Variants in CNTNAP5 observed in about 807,000 individuals in gnomAD.
CNTNAP5 encodes contactin associated protein family member 5.
In CNTNAP5, 72 loss-of-function variants were observed where a neutral mutation model predicts 150.2. The ratio of observed to expected loss-of-function variants is 0.48; its 90% confidence interval spans 0.40 to 0.58. The LOEUF is 0.58. Among genes scored for constraint, CNTNAP5 ranks in the 20% least tolerant of loss-of-function variants. The pLI is 0.00. For missense variants in CNTNAP5, 1,636 were observed against 1,626.2 expected (o/e 1.01, Z -0.10); for synonymous variants, 672 against 619.8 (o/e 1.08, Z -1.25).
intron 14 of CNTNAP5, among the ~76,000 whole-genome samples, chr2:124,747,788 CTTTT>C (rs34959025): frequency 2.4e-5 from 1 of 42,470 alleles, no homozygotes; most frequent in African/African-American, 9.2e-5. Flanking sequence ...CCTAACTCTT[CTTTT>C]TTTTTTTTTT....
chr2:124,802,530 G>A (rs1681991096), intron 19 of CNTNAP5, among the ~76,000 whole-genome samples: 2 of 152,184 alleles, frequency 1.3e-5, no homozygotes, highest in Admixed American at 1.3e-4. Flanking sequence ...AGAGAAGGCA[G>A]TTTTAGTTCT....
chr2:124,101,363 T>C (rs1487426785), intron 1 of CNTNAP5, among the ~76,000 whole-genome samples: 1 of 152,168 alleles, frequency 6.6e-6, no homozygotes, highest in African/African-American at 2.4e-5. Context: ...TGATTTCAGA[T>C]CCCACGCTCA....
intron 5 of CNTNAP5, among the ~76,000 whole-genome samples, chr2:124,435,817 A>G (rs7598167): frequency 0.46 from 70,301 of 151,972 alleles, 16,357 homozygotes; most frequent in Middle Eastern, 0.56. Context: ...TTGGAGCCCC[A>G]TGGTGACTAT....
At chr2:124,331,131 T>C (rs965305357) in intron 3 of CNTNAP5, among the ~76,000 whole-genome samples, 1 of 152,098 alleles carries the variant, frequency 6.6e-6, no homozygotes, top group African/African-American at 2.4e-5. Flanking sequence ...CCATATGTCC[T>C]TAATGACAAC....
At chr2:124,442,480 A>G (rs1352792983) in intron 5 of CNTNAP5, among the ~76,000 whole-genome samples, 2 of 152,224 alleles carry the variant, frequency 1.3e-5, no homozygotes, top group Non-Finnish European at 2.9e-5. Context: ...GGATTTTAAA[A>G]TAGTGGAATT....
intron 1 of CNTNAP5, among the ~76,000 whole-genome samples, chr2:124,126,524 A>G (rs765082460): frequency 1.1e-4 from 16 of 152,206 alleles, no homozygotes; most frequent in Non-Finnish European, 2.2e-4. Flanking sequence ...ATTCCACTCA[A>G]TAGAAAAAGA....
chr2:124,037,064 G>C (rs967665030), intron 1 of CNTNAP5, among the ~76,000 whole-genome samples: 1 of 152,126 alleles, frequency 6.6e-6, no homozygotes, highest in African/African-American at 2.4e-5. Flanking sequence ...CAATCTTCAG[G>C]CCATCTTATT....
At chr2:124,777,510 G>A (rs1681351422) in intron 17 of CNTNAP5, among the ~76,000 whole-genome samples, 1 of 152,054 alleles carries the variant, frequency 6.6e-6, no homozygotes, top group Admixed American at 6.6e-5. Context: ...AGCCTCCTGA[G>A]TAGCTGGGGT....
At chr2:124,584,161 C>G (rs976033810) in intron 11 of CNTNAP5, among the ~76,000 whole-genome samples, 4 of 152,210 alleles carry the variant, frequency 2.6e-5, no homozygotes, top group Admixed American at 2.0e-4. Flanking sequence ...CACACCAGCC[C>G]TTACTGACAC....
At chr2:124,328,085 A>G (rs1689264685) in intron 3 of CNTNAP5, among the ~76,000 whole-genome samples, 1 of 152,232 alleles carries the variant, frequency 6.6e-6, no homozygotes, top group African/African-American at 2.4e-5. Flanking sequence ...AAGCAGAGCT[A>G]CAGAAAGAAG....
intron 1 of CNTNAP5, among the ~76,000 whole-genome samples, chr2:124,090,054 T>C (rs576384400): frequency 4.6e-4 from 70 of 152,292 alleles, no homozygotes; most frequent in Admixed American, 8.5e-4. Flanking sequence ...TTGACCATTA[T>C]ATCATAGGAC....
intron 1 of CNTNAP5, among the ~76,000 whole-genome samples, chr2:124,071,080 C>A (rs992680815): frequency 6.6e-6 from 1 of 151,876 alleles, no homozygotes; most frequent in Non-Finnish European, 1.5e-5. Flanking sequence ...AAACAATATA[C>A]TCCTGAATTA....
chr2:124,751,459 G>A (rs1007282148), intron 14 of CNTNAP5, among the ~76,000 whole-genome samples: 42 of 152,302 alleles, frequency 2.8e-4, no homozygotes, highest in African/African-American at 9.4e-4. Context: ...ATTCACACAT[G>A]ACACCAGGCA....
chr2:124,274,607 G>A (rs773185066), intron 3 of CNTNAP5, among the ~76,000 whole-genome samples: 12 of 152,180 alleles, frequency 7.9e-5, no homozygotes, highest in Non-Finnish European at 1.8e-4. Context: ...TGGCCAGAGA[G>A]GAATGTTTGC....
At chr2:124,756,401 T>C (rs1680840613) in intron 14 of CNTNAP5, among the ~76,000 whole-genome samples, 1 of 152,184 alleles carries the variant, frequency 6.6e-6, no homozygotes, top group Non-Finnish European at 1.5e-5. Flanking sequence ...GACTGAGCAA[T>C]TCCATTACTG....
chr2:124,046,381 C>A (rs1027778559), intron 1 of CNTNAP5, among the ~76,000 whole-genome samples: 1 of 147,974 alleles, frequency 6.8e-6, no homozygotes, highest in Non-Finnish European at 1.5e-5. Flanking sequence ...TACTCAGAGC[C>A]TTTCCCTTTG....
intron 3 of CNTNAP5, among the ~76,000 whole-genome samples, chr2:124,409,070 C>G (rs1312309167): frequency 1.5e-5 from 2 of 137,484 alleles, no homozygotes; most frequent in Non-Finnish European, 3.1e-5. Flanking sequence ...AACCAAGGCT[C>G]GAGAACTACG....
At chr2:124,130,784 C>G (rs1240807201) in intron 1 of CNTNAP5, among the ~76,000 whole-genome samples, 1 of 152,128 alleles carries the variant, frequency 6.6e-6, no homozygotes, top group Admixed American at 6.6e-5. Flanking sequence ...CTAATCCTAA[C>G]CCTAAACTGT....
At chr2:124,296,075 A>G (rs1688423393) in intron 3 of CNTNAP5, among the ~76,000 whole-genome samples, 2 of 152,088 alleles carry the variant, frequency 1.3e-5, no homozygotes, top group African/African-American at 4.8e-5. Flanking sequence ...ATTTTGGCCT[A>G]TTCTTTTTTA....
Sources: gnomAD v4.1 joint callset for allele counts (sites outside exome capture counted in the v4.1 genomes callset) on GRCh38, gnomAD v4.1.1 for gene constraint, MANE v1.5 for transcripts, NCBI Gene and HGNC (gene_info 2026-07-23, HGNC 2026-07-21) for gene names.